Variants in BIRC6 observed in about 807,000 individuals in gnomAD.
BIRC6 encodes dual E2 ubiquitin-conjugating enzyme/E3 ubiquitin-protein ligase BIRC6.
BIRC6 carries 98 observed loss-of-function variants against 503.3 expected under a neutral mutation model. That is an observed-to-expected ratio of 0.19 (90% CI 0.17 to 0.23). BIRC6 has a LOEUF of 0.23. BIRC6 is among the 10% of genes least tolerant of loss of function. The pLI is 1.00. For synonymous variants in BIRC6, 2,240 were observed against 2,078.7 expected, an observed-to-expected ratio of 1.08 and a Z score of -2.11; for missense variants, 5,360 against 5,806.0, an observed-to-expected ratio of 0.92 and a Z score of 2.50.
chr2:32,530,375 T>C (rs2056633654), intron 60 of BIRC6, among the ~76,000 whole-genome samples: 1 of 152,090 alleles, frequency 6.6e-6, no homozygotes, highest in African/African-American at 2.4e-5. Context: ...CATGCCTGGC[T>C]AATTTTTGTA....
chr2:32,436,908 A>C (rs1161243446), intron 15 of BIRC6, among the ~76,000 whole-genome samples: 7 of 81,102 alleles, frequency 8.6e-5, no homozygotes, highest in Non-Finnish European at 1.6e-4. Flanking sequence ...TTTTTTTTTG[A>C]GACAGAGTTT....
At chr2:32,582,359 G>A (rs540207619) in intron 66 of BIRC6, among the ~76,000 whole-genome samples, 1 of 152,220 alleles carries the variant, frequency 6.6e-6, no homozygotes, top group Non-Finnish European at 1.5e-5. Context: ...TATTAGTTGA[G>A]TTGCCTTGTA....
chr2:32,445,403 G>A (rs2045853766), intron 20 of BIRC6, 118 bp from the exon 21 acceptor site: 1 of 1,044,468 alleles, frequency 9.6e-7, no homozygotes, highest in African/African-American at 1.6e-5. Flanking sequence ...TGTCTTTCCA[G>A]AAAAGGGAGT....
In BIRC6 at chr2:32,508,032, A is replaced by G. The variant is rs148519952; in HGVS notation, c.9753A>G (p.Leu3251=). ...TAAGTGCAGATGGGGTAAATATGCT[A>G]CCTTTGTCCACTCCTGTTGTCACAA... ...VEVSADGVNM[L]PLSTPVVTSG... The change falls in exon 51 of 74, where the codon CTA becomes CTG. Residue 3251 remains leucine, a synonymous_variant. Transcript: ENST00000421745. The G allele has an allele frequency of 7.4e-5, 119 of 1,613,876 alleles. No homozygotes were observed. In the African/African-American group the frequency reaches 1.5e-3, roughly 20 times the overall value.
intron 52 of BIRC6, 29 bp from the exon 53 acceptor site, chr2:32,510,497 A>T (rs199876997): frequency 7.3e-7 from 1 of 1,372,500 alleles, no homozygotes; most frequent in East Asian, 2.3e-5. Context: ...TTATTTAGCA[A>T]ACTTTTTCTT....
Position 32,597,868 on chromosome 2 carries a change from G to A in BIRC6, c.13730G>A (p.Arg4577His), listed in dbSNP as rs2061775406. The A allele has an allele frequency of 2.5e-6, 4 of 1,613,784 alleles. No homozygotes were observed. Among genetic ancestry groups the A allele is most frequent in the Non-Finnish European group, 3.4e-6 (4 of 1,179,826 alleles). Residue 4577 changes from arginine to histidine, a missense_variant, in exon 69 of 74, where the codon CGC becomes CAC. By Grantham distance (29) the Arg-to-His change is conservative. This residue lies in a region of BIRC6 where 477 missense variants were observed against 574.4 expected (regional missense o/e 0.83). Coordinates refer to ENST00000421745, the MANE Select transcript of BIRC6 (RefSeq NM_016252.4). ...GCGAACAGTGCTGCCAGAGCTCGCC[G>A]CCTTGCCCAGGAAGCTGTGACGCTT... ...NDANSAARAR[R>H]LAQEAVTLST... is the part of the protein sequence containing the mutation.
intron 42 of BIRC6, among the ~76,000 whole-genome samples, chr2:32,488,968 GT>G (rs2149304510): frequency 6.6e-6 from 1 of 152,052 alleles, no homozygotes; most frequent in East Asian, 1.9e-4. Context: ...ACAATGTTCT[GT>G]TACTCCTTTA....
At position 32,525,517 on chromosome 2, in the gene BIRC6, T is replaced by G. The variant is rs751514970; in HGVS notation, c.11809T>G (p.Ser3937Ala). 6.2e-7 allele frequency: 1 copy of G among 1,613,936 alleles called. No individual in the cohort carries two copies. Among genetic ancestry groups the G allele is most frequent in the South Asian group, 1.1e-5 (1 of 91,080 alleles). The change falls in exon 59 of 74, where the codon TCC (serine) becomes GCC (alanine). Residue 3937 changes from serine to alanine, a missense_variant. Coordinates refer to ENST00000421745, the MANE Select transcript of BIRC6 (RefSeq NM_016252.4). The part of the protein sequence containing the change: ...AVSATPPRPP[S>A]RRGRTIPDKI... ...GTCAGCTACACCACCTCGCCCACCA[T>G]CCAGGAGGGGGAGGACAATACCTGA...
At chr2:32,417,841 G>A (rs2042541447) in intron 10 of BIRC6, among the ~76,000 whole-genome samples, 2 of 152,204 alleles carry the variant, frequency 1.3e-5, no homozygotes, top group African/African-American at 2.4e-5. Flanking sequence ...GTGCAGTTAC[G>A]CAATCTTGGC....
intron 51 of BIRC6, 124 bp downstream of exon 51, chr2:32,508,383 G>T: frequency 8.1e-7 from 1 of 1,238,942 alleles, no homozygotes; most frequent in Non-Finnish European, 1.1e-6. Flanking sequence ...TTGTTCCATA[G>T]GTATCTGTAT....
chr2:32,403,841 T>C (rs918793879), intron 8 of BIRC6, among the ~76,000 whole-genome samples: 3 of 152,004 alleles, frequency 2.0e-5, no homozygotes, highest in South Asian at 4.1e-4. Context: ...GGAGTGGAAA[T>C]TGATGAAATA....
chr2:32,606,465 C>T (rs114374999), intron 71 of BIRC6, among the ~76,000 whole-genome samples: 252 of 151,824 alleles, frequency 1.7e-3, no homozygotes, highest in African/African-American at 5.8e-3. Context: ...TGGTGATGCA[C>T]GCCTATAGTC....
At chr2:32,365,867 TTTTAA>T (rs529754115) in intron 1 of BIRC6, among the ~76,000 whole-genome samples, 2 of 151,876 alleles carry the variant, frequency 1.3e-5, no homozygotes, top group Non-Finnish European at 2.9e-5. Flanking sequence ...TTATTTTATT[TTTTAA>T]TTTAATTTAA....
rs192430296 is a variant in BIRC6, at chr2:32,435,820, G to A, written c.3500-233G>A. ...ATACCTTGGGATTTGAAATCAAGTC[G>A]TGGTTTATAATTTTTTTGAAAATAA... is the stretch of plus-strand genomic sequence containing the variant. On this transcript the variant is annotated intron_variant, in intron 14 of 73. Coordinates refer to ENST00000421745, the MANE Select transcript of BIRC6 (RefSeq NM_016252.4). Among the ~76,000 whole-genome samples the A allele has an allele frequency of 1.6e-3, 250 of 152,300 alleles. 1 individual carries two copies. The highest frequency in any genetic ancestry group is 5.8e-3 in the African/African-American group (240 of 41,548).
chr2:32,367,275 C>T (rs1053981921), intron 1 of BIRC6, among the ~76,000 whole-genome samples: 1 of 151,770 alleles, frequency 6.6e-6, no homozygotes, highest in Non-Finnish European at 1.5e-5. Flanking sequence ...CCAGCCTGAC[C>T]AACATGGTAA....
chr2:32,471,295 T>C (rs1335288596), intron 32 of BIRC6, 171 bp downstream of exon 32: 1 of 469,540 alleles, frequency 2.1e-6, no homozygotes, highest in Non-Finnish European at 2.8e-6. Context: ...TGTTTAAAGA[T>C]AACATTTATA....
intron 1 of BIRC6, among the ~76,000 whole-genome samples, chr2:32,372,156 ATAAAG>A (rs1161018303): frequency 5.9e-5 from 9 of 152,170 alleles, no homozygotes; most frequent in Non-Finnish European, 1.3e-4. Context: ...TTTATAGAAT[ATAAAG>A]TAAAGTTGTC....
At chr2:32,376,502 T>C (rs1043406454) in intron 1 of BIRC6, among the ~76,000 whole-genome samples, 27 of 152,210 alleles carry the variant, frequency 1.8e-4, no homozygotes, top group African/African-American at 5.8e-4. Flanking sequence ...TTTGTGTATA[T>C]TTTATGTCAG....
At chr2:32,455,270 C>T (rs774739110) in intron 23 of BIRC6, among the ~76,000 whole-genome samples, 3 of 151,136 alleles carry the variant, frequency 2.0e-5, no homozygotes, top group African/African-American at 7.3e-5. Flanking sequence ...GTCCCAGCTA[C>T]TCAGGAGGCT....
Sources: allele counts gnomAD v4.1 joint callset (sites outside exome capture counted in the v4.1 genomes callset), GRCh38; gene constraint gnomAD v4.1.1; regional missense constraint gnomAD v4.1.1; transcripts MANE v1.5; gene names NCBI Gene and HGNC (gene_info 2026-07-23, HGNC 2026-07-21).